Variants in PTGDR2 observed in about 807,000 individuals in gnomAD.
The protein encoded by PTGDR2 is G-protein coupled receptor 44.
For missense variants in PTGDR2, 544 were observed against 576.6 expected, an observed-to-expected ratio of 0.94 and a Z score of 0.58; for synonymous variants, 276 against 278.4, an observed-to-expected ratio of 0.99 and a Z score of 0.09.
chr11:60,853,561 G>T lies in PTGDR2; in HGVS notation c.162C>A (p.Leu54=). ...LLGLVENGVI[L]FVVGCRMRQT... is the part of the protein sequence containing the mutation. ...GGCGCATGCGGCAGCCCACCACGAA[G>T]AGGATGACTCCATTCTCCACCAGGC... Residue 54 remains leucine, a synonymous_variant, in exon 2 of 2, where the codon CTC becomes CTA. Transcript: ENST00000332539. 6.4e-7 allele frequency: 1 copy of T among 1,556,370 alleles called. No individual in the cohort carries two copies. The highest frequency in any genetic ancestry group is 8.7e-7 in the Non-Finnish European group (1 of 1,149,570).
Position 60,852,801 on chromosome 11 carries a change from A to G in PTGDR2, c.922T>C (p.Cys308Arg). The G allele has an allele frequency of 5.1e-6, 8 of 1,557,532 alleles. No homozygotes were observed. Among genetic ancestry groups the G allele is most frequent in the Middle Eastern group, 1.7e-4 (1 of 5,810 alleles). The change falls in exon 2 of 2, where the codon TGC (cysteine) becomes CGC (arginine). Residue 308 changes from cysteine to arginine, a missense_variant. Cys to Arg is a radical substitution (Grantham distance 180). Transcript: ENST00000332539. Reference protein sequence around the residue: ...VANPVLYVLTCPDMLRKLRRS... With the variant: ...VANPVLYVLTRPDMLRKLRRS... ...CGCAGCTTGCGCAGCATGTCGGGGCAGGTGAGCACGTAGAGCACCGGGTTG... is the reference window on the plus strand; with the variant it reads ...CGCAGCTTGCGCAGCATGTCGGGGCGGGTGAGCACGTAGAGCACCGGGTTG...
rs748378517 is a variant in PTGDR2 at position 60,852,976 on chromosome 11, C to T, written c.747G>A (p.Ala249=). ...RRPGRFVRLV[A]AVVAAFALCW... is the part of the protein sequence containing the mutation. ...AGAGCGCGAAGGCGGCCACGACGGC[C>T]GCCACCAGGCGCACGAAGCGGCCTG... The change falls in exon 2 of 2, where the codon GCG becomes GCA. Residue 249 remains alanine (A), a synonymous_variant. Transcript: ENST00000332539. 256 of 1,391,342 alleles carry T rather than the reference C, an allele frequency of 1.8e-4. 3 individuals carry two copies. In the East Asian group the frequency reaches 7.5e-3, roughly 41 times the overall value. 86.2% of individuals were successfully genotyped at this position (1,391,342 alleles called of 1,614,324 possible). A position where few individuals can be genotyped will look rare whatever the true frequency, so the allele number is the denominator to read the frequency against.
In PTGDR2 at chr11:60,852,987, G is replaced by A. The variant is rs770014924; in HGVS notation, c.736C>T (p.Arg246Cys). ...GCGGCCACGACGGCCGCCACCAGGCGCACGAAGCGGCCTGGCCGCCGGCGG... is the reference window on the plus strand; with the variant it reads ...GCGGCCACGACGGCCGCCACCAGGCACACGAAGCGGCCTGGCCGCCGGCGG... ...RGRRRPGRFV[R>C]LVAAVVAAFA... The change falls in exon 2 of 2, where the codon CGC becomes TGC. Residue 246 changes from arginine (R) to cysteine (C), a missense_variant. Transcript: ENST00000332539. 10 of 1,408,716 alleles carry A rather than the reference G, an allele frequency of 7.1e-6. No homozygotes were observed. The highest frequency in any genetic ancestry group is 2.9e-5 in the East Asian group (1 of 34,258). 87.3% of individuals were successfully genotyped at this position (1,408,716 alleles called of 1,614,324 possible). A position where few individuals can be genotyped will look rare whatever the true frequency, so the allele number is the denominator to read the frequency against.
At position 60,850,981 on chromosome 11, in the gene PTGDR2, C is replaced by G. The variant is rs937364603; in HGVS notation, c.*1554G>C. Reference sequence around the variant, plus strand: ...ATTGAGTGCCTGTTGCATACAGGCACAATCCTAGGCACCGGCAAATACAGA... The same window carrying G: ...ATTGAGTGCCTGTTGCATACAGGCAGAATCCTAGGCACCGGCAAATACAGA... On this transcript the variant is annotated 3_prime_UTR_variant, in exon 2 of 2. Coordinates refer to ENST00000332539, the MANE Select transcript of PTGDR2 (RefSeq NM_004778.3). 6.6e-6 allele frequency: 1 copy of G among 152,260 alleles called. No individual in the cohort carries two copies. Among genetic ancestry groups the G allele is most frequent in the Admixed American group, 6.5e-5 (1 of 15,286 alleles). The allele number at this position is 152,260 out of a possible 1,614,324, so 9.4% of individuals were successfully genotyped here. A position where few individuals can be genotyped will look rare whatever the true frequency, so the allele number is the denominator to read the frequency against.
chr11:60,852,473 A>G lies in PTGDR2; in HGVS notation c.*62T>C, dbSNP rs1251947305. 32 of 1,227,646 alleles carry G rather than the reference A, an allele frequency of 2.6e-5. No homozygotes were observed. In the Admixed American group the frequency reaches 1.3e-3, roughly 50 times the overall value. The allele number at this position is 1,227,646 out of a possible 1,614,324, so 76.0% of individuals were successfully genotyped here. A position where few individuals can be genotyped will look rare whatever the true frequency, so the allele number is the denominator to read the frequency against. ...ACTGCGGCAGGAGTCCGGATATCGA[A>G]TTGAACCGCGGCACCCTGGTGATAC... On this transcript the variant is annotated 3_prime_UTR_variant, in exon 2 of 2. Transcript: ENST00000332539.
rs1217128378 is a variant in PTGDR2 at position 60,853,285 on chromosome 11, G to A, written c.438C>T (p.Ala146=). Residue 146 remains alanine (A), a synonymous_variant, in exon 2 of 2, where the codon GCC becomes GCT. Transcript: ENST00000332539. ...GCACCAGGCAGACTTTGTGCGCCGC[G>A]GCCACGGTGCGGTGGTTCTGCGCCC... ...PVWAQNHRTV[A]AAHKVCLVLW... 1.2e-6 allele frequency: 2 copies of A among 1,612,090 alleles called. No individual in the cohort carries two copies. The highest frequency in any genetic ancestry group is 1.3e-5 in the African/African-American group (1 of 75,052).
chr11:60,852,922 C>T lies in PTGDR2; in HGVS notation c.801G>A (p.Leu267=). Residue 267 remains leucine, a synonymous_variant, in exon 2 of 2, where the codon CTG becomes CTA. Coordinates refer to ENST00000332539, the MANE Select transcript of PTGDR2 (RefSeq NM_004778.3). Reference sequence around the variant, plus strand: ...GGTTTGCGTGCGCCCGCGCCTCCAGCAGGCTGAACACGTGGTAGGGCCCCC... The same window carrying T: ...GGTTTGCGTGCGCCCGCGCCTCCAGTAGGCTGAACACGTGGTAGGGCCCCC... ...LCWGPYHVFS[L]LEARAHANPG... 6.6e-7 allele frequency: 1 copy of T among 1,505,688 alleles called. No homozygotes were observed. Among genetic ancestry groups the T allele is most frequent in the Non-Finnish European group, 8.9e-7 (1 of 1,123,732 alleles). 93.3% of individuals were successfully genotyped at this position (1,505,688 alleles called of 1,614,324 possible). A position where few individuals can be genotyped will look rare whatever the true frequency, so the allele number is the denominator to read the frequency against.
At chr11:60,855,490 G>GAA (rs34051850) in intron 1 of PTGDR2, among the ~76,000 whole-genome samples, 5,966 of 125,368 alleles carry the variant, frequency 0.048, 415 homozygotes, top group African/African-American at 0.15. Context: ...GGCAGGTTAA[G>GAA]AAAAAAAAAA....
rs1855276619 is a variant in PTGDR2 at position 60,852,137 on chromosome 11, C to T, written c.*398G>A. 1 of 198,630 alleles carries T rather than the reference C, an allele frequency of 5.0e-6. No homozygotes were observed. Among genetic ancestry groups the T allele is most frequent in the Non-Finnish European group, 1.0e-5 (1 of 98,986 alleles). The allele number at this position is 198,630 out of a possible 1,614,324, so 12.3% of individuals were successfully genotyped here. A position where few individuals can be genotyped will look rare whatever the true frequency, so the allele number is the denominator to read the frequency against. On this transcript the variant is annotated 3_prime_UTR_variant, in exon 2 of 2. Coordinates refer to ENST00000332539, the MANE Select transcript of PTGDR2 (RefSeq NM_004778.3). ...AAAACTGAACTCCGGGGAGACGCAC[C>T]CCGTGTGCCCTTCCGACTCCACTGC...
chr11:60,852,581 G>T lies in PTGDR2; in HGVS notation c.1142C>A (p.Pro381Gln), dbSNP rs1855286869. The change falls in exon 2 of 2, where the codon CCG becomes CAG. Residue 381 changes from proline to glutamine, a missense_variant. Coordinates refer to ENST00000332539, the MANE Select transcript of PTGDR2 (RefSeq NM_004778.3). ...GWLLGSCAASPQTGPLNRALS... is the reference protein window; with the variant it reads ...GWLLGSCAASQQTGPLNRALS... The stretch of plus-strand genomic sequence containing the variant: ...CGCCCGGTTCAGGGGGCCCGTCTGC[G>T]GGGACGCTGCGCAGCTGCCCAGCAG... The T allele has an allele frequency of 2.7e-5, 35 of 1,293,580 alleles. No individual in the cohort carries two copies. Among genetic ancestry groups the T allele is most frequent in the Non-Finnish European group, 3.4e-5 (35 of 1,021,374 alleles). The allele number at this position is 1,293,580 out of a possible 1,614,324, so 80.1% of individuals were successfully genotyped here.
rs1187770773 is a variant in PTGDR2 at position 60,852,973 on chromosome 11, G to T, written c.750C>A (p.Ala250=). Reference sequence around the variant, plus strand: ...AGCAGAGCGCGAAGGCGGCCACGACGGCCGCCACCAGGCGCACGAAGCGGC... The same window carrying T: ...AGCAGAGCGCGAAGGCGGCCACGACTGCCGCCACCAGGCGCACGAAGCGGC... ...RPGRFVRLVA[A]VVAAFALCWG... is the part of the protein sequence containing the mutation. Residue 250 remains alanine (A), a synonymous_variant, in exon 2 of 2, where the codon GCC becomes GCA. Transcript: ENST00000332539. The T allele has an allele frequency of 5.7e-6, 8 of 1,393,500 alleles. No individual in the cohort carries two copies. The highest frequency in any genetic ancestry group is 1.6e-5 in the South Asian group (1 of 61,502). The allele number at this position is 1,393,500 out of a possible 1,614,324, so 86.3% of individuals were successfully genotyped here. A position where few individuals can be genotyped will look rare whatever the true frequency, so the allele number is the denominator to read the frequency against.
intron 1 of PTGDR2, among the ~76,000 whole-genome samples, chr11:60,854,384 T>A (rs41504746): frequency 1.3e-5 from 2 of 152,198 alleles, no homozygotes; most frequent in Non-Finnish European, 2.9e-5. Context: ...CCAGGAGAGC[T>A]GGGGAGGAGG....
rs1356626307 is a variant in PTGDR2, at chr11:60,853,460, G to A, written c.263C>T (p.Thr88Ile). 4.5e-6 allele frequency: 7 copies of A among 1,567,892 alleles called. No homozygotes were observed. Among genetic ancestry groups the A allele is most frequent in the Non-Finnish European group, 6.1e-6 (7 of 1,155,986 alleles). ...LLASASLPFFTYFLAVGHSWE... is the reference protein window; with the variant it reads ...LLASASLPFFIYFLAVGHSWE... ...CGAGTGGCCCACGGCCAAGAAGTAGGTGAAGAAGGGCAGGGAAGCAGAGGC... is the reference window on the plus strand; with the variant it reads ...CGAGTGGCCCACGGCCAAGAAGTAGATGAAGAAGGGCAGGGAAGCAGAGGC... The change falls in exon 2 of 2, where the codon ACC becomes ATC. Residue 88 changes from threonine to isoleucine, a missense_variant. By Grantham distance (89) the Thr-to-Ile change is moderately conservative. Coordinates refer to ENST00000332539, the MANE Select transcript of PTGDR2 (RefSeq NM_004778.3).
In PTGDR2 at chr11:60,852,820, C is replaced by T; in HGVS notation, c.903G>A (p.Pro301=). ...CGGGGCAGGTGAGCACGTAGAGCAC[C>T]GGGTTGGCCACGCTGTTGAAGAAGG... is the stretch of plus-strand genomic sequence containing the variant. ...SLAFFNSVAN[P]VLYVLTCPDM... is the part of the protein sequence containing the mutation. The change falls in exon 2 of 2, where the codon CCG becomes CCA. Residue 301 remains proline, a synonymous_variant. Coordinates refer to ENST00000332539, the MANE Select transcript of PTGDR2 (RefSeq NM_004778.3). The T allele has an allele frequency of 1.3e-6, 2 of 1,560,254 alleles. No homozygotes were observed. Among genetic ancestry groups the T allele is most frequent in the Non-Finnish European group, 8.7e-7 (1 of 1,153,520 alleles).
Position 60,852,195 on chromosome 11 carries a change from T to G in PTGDR2, c.*340A>C. ...TGGGAAGTCTATTATGAGTTTCACT[T>G]TGTGTTACTCCAGGCCTCGCCTGTG... On this transcript the variant is annotated 3_prime_UTR_variant, in exon 2 of 2. Coordinates refer to ENST00000332539, the MANE Select transcript of PTGDR2 (RefSeq NM_004778.3). 7.2e-6 allele frequency: 2 copies of G among 276,902 alleles called. No individual in the cohort carries two copies. Among genetic ancestry groups the G allele is most frequent in the African/African-American group, 2.2e-5 (1 of 45,754 alleles). The allele number at this position is 276,902 out of a possible 1,614,324, so 17.2% of individuals were successfully genotyped here.
chr11:60,852,819 C>A lies in PTGDR2; in HGVS notation c.904G>T (p.Val302Leu). ...LAFFNSVANP[V>L]LYVLTCPDML... ...TCGGGGCAGGTGAGCACGTAGAGCA[C>A]CGGGTTGGCCACGCTGTTGAAGAAG... Residue 302 changes from valine to leucine, a missense_variant, in exon 2 of 2, where the codon GTG becomes TTG. Physicochemically the swap from Val to Leu is conservative, Grantham distance 32. Coordinates refer to ENST00000332539, the MANE Select transcript of PTGDR2 (RefSeq NM_004778.3). 1 of 1,560,178 alleles carries A rather than the reference C, an allele frequency of 6.4e-7. No homozygotes were observed. Among genetic ancestry groups the A allele is most frequent in the Non-Finnish European group, 8.7e-7 (1 of 1,153,504 alleles).
rs370215915 is a variant in PTGDR2, at chr11:60,852,284, C to T, written c.*251G>A. The T allele has an allele frequency of 1.8e-5, 7 of 387,748 alleles. No homozygotes were observed. The South Asian group carries it at 4.3e-4, about 24-fold the overall frequency. The allele number at this position is 387,748 out of a possible 1,614,324, so 24.0% of individuals were successfully genotyped here. Reference sequence around the variant, plus strand: ...AGTGCAGACTCTCAGTACCCGGCCCCGGCCTCCTGGATCAGACTGCACTTA... The same window carrying T: ...AGTGCAGACTCTCAGTACCCGGCCCTGGCCTCCTGGATCAGACTGCACTTA... On this transcript the variant is annotated 3_prime_UTR_variant, in exon 2 of 2. Coordinates refer to ENST00000332539, the MANE Select transcript of PTGDR2 (RefSeq NM_004778.3).
In PTGDR2 at chr11:60,853,277, T is replaced by C. The variant is rs1290727204; in HGVS notation, c.446A>G (p.His149Arg). 6.2e-7 allele frequency: 1 copy of C among 1,612,432 alleles called. No individual in the cohort carries two copies. The highest frequency in any genetic ancestry group is 8.5e-7 in the Non-Finnish European group (1 of 1,179,418). The change falls in exon 2 of 2, where the codon CAC (histidine) becomes CGC (arginine). Residue 149 changes from histidine to arginine, a missense_variant. Physicochemically the swap from His to Arg is conservative, Grantham distance 29. Transcript: ENST00000332539. The stretch of plus-strand genomic sequence containing the variant: ...TGCCCAAAGCACCAGGCAGACTTTG[T>C]GCGCCGCGGCCACGGTGCGGTGGTT... ...AQNHRTVAAAHKVCLVLWALA... is the reference protein window; with the variant it reads ...AQNHRTVAAARKVCLVLWALA...
rs1260724622 is a variant in PTGDR2, at chr11:60,852,813, A to G, written c.910T>C (p.Tyr304His). Reference sequence around the variant, plus strand: ...AGCATGTCGGGGCAGGTGAGCACGTAGAGCACCGGGTTGGCCACGCTGTTG... The same window carrying G: ...AGCATGTCGGGGCAGGTGAGCACGTGGAGCACCGGGTTGGCCACGCTGTTG... Reference protein sequence around the residue: ...FFNSVANPVLYVLTCPDMLRK... With the variant: ...FFNSVANPVLHVLTCPDMLRK... Residue 304 changes from tyrosine to histidine, a missense_variant, in exon 2 of 2, where the codon TAC becomes CAC. Transcript: ENST00000332539. 6.4e-6 allele frequency: 10 copies of G among 1,560,664 alleles called. No homozygotes were observed. The highest frequency in any genetic ancestry group is 8.7e-6 in the Non-Finnish European group (10 of 1,153,756).
Sources: allele counts gnomAD v4.1 joint callset (sites outside exome capture counted in the v4.1 genomes callset), GRCh38; gene constraint gnomAD v4.1.1; transcripts MANE v1.5; gene names NCBI Gene and HGNC (gene_info 2026-07-23, HGNC 2026-07-21).